Variants in ERBB4 observed in about 807,000 individuals in gnomAD.
ERBB4 encodes the protein receptor tyrosine-protein kinase erbB-4.
In ERBB4, 42 loss-of-function variants were observed where a neutral mutation model predicts 158.0. The ratio of observed to expected loss-of-function variants is 0.27; its 90% confidence interval spans 0.21 to 0.34. The LOEUF (loss-of-function observed/expected upper bound fraction) is 0.34. Among genes scored for constraint, ERBB4 ranks in the 10% least tolerant of loss-of-function variants. ERBB4 has a pLI of 1.00. For missense variants in ERBB4, 1,333 were observed against 1,624.1 expected (o/e 0.82, Z 3.08); for synonymous variants, 583 against 558.7 (o/e 1.04, Z -0.61).
chr2:211,975,235 A>G (rs1433082847), intron 2 of ERBB4, among the ~76,000 whole-genome samples: 1 of 152,176 alleles, frequency 6.6e-6, no homozygotes, highest in African/African-American at 2.4e-5. Flanking sequence ...ATCCGCCTCC[A>G]CCGCCCAAAG....
chr2:211,393,219 AAGAAAT>A (rs2062840060), intron 25 of ERBB4, among the ~76,000 whole-genome samples: 1 of 152,208 alleles, frequency 6.6e-6, no homozygotes, highest in Admixed American at 6.5e-5. Context: ...TAGGGAAATT[AAGAAAT>A]AGAAAGAGAA....
chr2:212,389,847 A>C (rs1231793006), intron 1 of ERBB4, among the ~76,000 whole-genome samples: 1 of 151,972 alleles, frequency 6.6e-6, no homozygotes, highest in Non-Finnish European at 1.5e-5. Context: ...AATTTTACAT[A>C]AGACAGGTGA....
At chr2:212,181,833 G>A (rs1477300888) in intron 1 of ERBB4, among the ~76,000 whole-genome samples, 1 of 151,722 alleles carries the variant, frequency 6.6e-6, no homozygotes, top group Non-Finnish European at 1.5e-5. Flanking sequence ...CACCTAATCA[G>A]TTTGTTCTTC....
intron 19 of ERBB4, among the ~76,000 whole-genome samples, chr2:211,580,873 AT>A (rs1409738353): frequency 1.1e-3 from 1 of 936 alleles, no homozygotes; most frequent in African/African-American, 2.3e-3. Flanking sequence ...ATACATATAT[AT>A]ATATATATAT....
At chr2:212,251,689 G>A (rs925899777) in intron 1 of ERBB4, among the ~76,000 whole-genome samples, 6 of 151,820 alleles carry the variant, frequency 4.0e-5, no homozygotes, top group Non-Finnish European at 8.8e-5. Context: ...TATATTTTAG[G>A]TATTTTTTAA....
chr2:212,287,685 G>C (rs367551237), intron 1 of ERBB4, among the ~76,000 whole-genome samples: 30 of 152,056 alleles, frequency 2.0e-4, no homozygotes, highest in Non-Finnish European at 3.7e-4. Flanking sequence ...TAACTGCTTT[G>C]AACCTTTTCT....
intron 1 of ERBB4, among the ~76,000 whole-genome samples, chr2:212,143,988 C>T (rs184010297): frequency 1.1e-4 from 17 of 150,820 alleles, no homozygotes; most frequent in South Asian, 2.1e-4. Context: ...CACTGCATTC[C>T]GGCCTGGGCG....
chr2:212,524,080 T>C (rs1560550854), intron 1 of ERBB4, among the ~76,000 whole-genome samples: 1 of 151,968 alleles, frequency 6.6e-6, no homozygotes, highest in Non-Finnish European at 1.5e-5. Flanking sequence ...AAGCCTCCTC[T>C]TTTCCATGCC....
intron 20 of ERBB4, among the ~76,000 whole-genome samples, chr2:211,488,831 A>G (rs1316416927): frequency 6.6e-6 from 1 of 152,052 alleles, no homozygotes; most frequent in Non-Finnish European, 1.5e-5. Context: ...AGGTGAGAGC[A>G]CCAATCCTGT....
intron 1 of ERBB4, among the ~76,000 whole-genome samples, chr2:212,127,099 A>C (rs1304387374): frequency 2.6e-5 from 4 of 152,190 alleles, no homozygotes; most frequent in Non-Finnish European, 4.4e-5. Context: ...CCTAATTCCC[A>C]TTACTTAGAA....
chr2:212,378,122 G>C (rs1028779853), intron 1 of ERBB4, among the ~76,000 whole-genome samples: 2 of 151,702 alleles, frequency 1.3e-5, no homozygotes, highest in Non-Finnish European at 2.9e-5. Context: ...ACATTATAAT[G>C]GTTACAATGA....
chr2:211,461,942 G>A (rs548351290), intron 20 of ERBB4, among the ~76,000 whole-genome samples: 114 of 151,474 alleles, frequency 7.5e-4, no homozygotes, highest in South Asian at 4.8e-3. Flanking sequence ...GGATAATTAC[G>A]TCGGTGCAAA....
intron 1 of ERBB4, among the ~76,000 whole-genome samples, chr2:212,305,086 T>C (rs2086762281): frequency 6.6e-6 from 1 of 151,380 alleles, no homozygotes; most frequent in Admixed American, 6.6e-5. Flanking sequence ...GCCCAACTTA[T>C]AAATGCCAAA....
chr2:211,782,262 T>G (rs966138219), intron 4 of ERBB4, among the ~76,000 whole-genome samples: 1 of 152,016 alleles, frequency 6.6e-6, no homozygotes, highest in Admixed American at 6.6e-5. Flanking sequence ...CACTCATCCA[T>G]CTGACCCTCA....
chr2:211,875,464 C>T (rs1279607854), intron 3 of ERBB4, among the ~76,000 whole-genome samples: 4 of 152,048 alleles, frequency 2.6e-5, no homozygotes, highest in African/African-American at 9.7e-5. Context: ...GAAGAAGAAA[C>T]AAGTACCCAA....
At chr2:211,894,922 T>C (rs1320228979) in intron 3 of ERBB4, among the ~76,000 whole-genome samples, 1 of 152,204 alleles carries the variant, frequency 6.6e-6, no homozygotes, top group East Asian at 1.9e-4. Flanking sequence ...ATGATTTATG[T>C]TAAAATTAGT....
At chr2:211,561,068 A>C (rs960482195) in intron 20 of ERBB4, among the ~76,000 whole-genome samples, 2 of 152,200 alleles carry the variant, frequency 1.3e-5, no homozygotes, top group African/African-American at 4.8e-5. Flanking sequence ...TTCTCTAGAA[A>C]TAGAAAATTA....
At chr2:212,227,188 T>C (rs979779625) in intron 1 of ERBB4, among the ~76,000 whole-genome samples, 37 of 148,580 alleles carry the variant, frequency 2.5e-4, no homozygotes, top group Admixed American at 1.2e-3. Flanking sequence ...GAGGTTGCAG[T>C]GAGCCAAGAT....
chr2:212,440,963 C>G (rs1186043268), intron 1 of ERBB4, among the ~76,000 whole-genome samples: 2 of 152,126 alleles, frequency 1.3e-5, no homozygotes, highest in Admixed American at 6.6e-5. Flanking sequence ...TAAGATTGCC[C>G]TGAGGGAGAG....
Sources: allele counts gnomAD v4.1 joint callset (sites outside exome capture counted in the v4.1 genomes callset), GRCh38; gene constraint gnomAD v4.1.1; transcripts MANE v1.5; gene names NCBI Gene and HGNC (gene_info 2026-07-23, HGNC 2026-07-21).